EPHA6: variants seen among roughly 807,000 people sequenced by gnomAD.
EPHA6 encodes the protein EPH receptor A6.
In EPHA6, 50 loss-of-function variants were observed where a neutral mutation model predicts 112.0. The observed-to-expected ratio is 0.45, with a 90% CI of 0.36 to 0.56. The LOEUF is 0.56. Among genes scored for constraint, EPHA6 ranks in the 20% least tolerant of loss-of-function variants. The pLI is 0.00. For missense variants in EPHA6, 1,280 were observed against 1,417.4 expected (o/e 0.90, Z 1.56); for synonymous variants, 529 against 490.7 (o/e 1.08, Z -1.03).
intron 5 of EPHA6, among the ~76,000 whole-genome samples, chr3:97,272,460 T>C (rs1002216597): frequency 6.6e-6 from 1 of 152,134 alleles, no homozygotes; most frequent in Non-Finnish European, 1.5e-5. Context: ...CGAGATGATA[T>C]TTTCACTTGC....
intron 3 of EPHA6, among the ~76,000 whole-genome samples, chr3:97,150,568 T>C (rs1559758962): frequency 6.6e-6 from 1 of 152,084 alleles, no homozygotes; most frequent in Non-Finnish European, 1.5e-5. Flanking sequence ...CTGTGGTAAT[T>C]GGGACTTGGG....
intron 3 of EPHA6, among the ~76,000 whole-genome samples, chr3:97,170,814 TTATACA>T (rs1301595674): frequency 6.6e-6 from 1 of 151,880 alleles, no homozygotes; most frequent in Non-Finnish European, 1.5e-5. Flanking sequence ...TTCCAAGGAG[TTATACA>T]TATGCACTCT....
At chr3:96,875,173 AC>A (rs1459825388) in intron 2 of EPHA6, among the ~76,000 whole-genome samples, 1 of 152,040 alleles carries the variant, frequency 6.6e-6, no homozygotes, top group Non-Finnish European at 1.5e-5. Context: ...TTGAGACAGA[AC>A]AGGAAACATG....
chr3:97,564,024 G>A (rs940422806), intron 11 of EPHA6, among the ~76,000 whole-genome samples: 94 of 152,176 alleles, frequency 6.2e-4, no homozygotes, highest in African/African-American at 2.2e-3. Flanking sequence ...GACATGAAAT[G>A]TTTTCATCTC....
At chr3:97,426,015 A>G (rs867415989) in intron 6 of EPHA6, among the ~76,000 whole-genome samples, 3 of 152,282 alleles carry the variant, frequency 2.0e-5, no homozygotes, top group Middle Eastern at 3.4e-3. Flanking sequence ...AAGCCATTCA[A>G]CAAACCTCTA....
intron 7 of EPHA6, among the ~76,000 whole-genome samples, chr3:97,453,633 T>C (rs556463857): frequency 4.6e-5 from 7 of 151,830 alleles, no homozygotes; most frequent in African/African-American, 1.7e-4. Flanking sequence ...TATTTCAAAA[T>C]AAAATCTTAT....
intron 7 of EPHA6, among the ~76,000 whole-genome samples, chr3:97,472,495 C>T (rs6801975): frequency 0.15 from 22,384 of 151,646 alleles, 2,182 homozygotes; most frequent in Admixed American, 0.25. Context: ...TGAAGACATA[C>T]GCTAGAGCCA....
At chr3:96,915,358 A>G (rs1459985918) in intron 2 of EPHA6, among the ~76,000 whole-genome samples, 1 of 152,098 alleles carries the variant, frequency 6.6e-6, no homozygotes, top group African/African-American at 2.4e-5. Context: ...CTATACCTAA[A>G]GTAAACCATT....
intron 5 of EPHA6, among the ~76,000 whole-genome samples, chr3:97,359,030 CTT>C (rs796076993): frequency 3.6e-5 from 5 of 138,910 alleles, no homozygotes. Flanking sequence ...CTTGCTATGG[CTT>C]TTTTTTTTTT....
At chr3:97,709,194 C>G (rs2033839779) in intron 14 of EPHA6, among the ~76,000 whole-genome samples, 1 of 151,860 alleles carries the variant, frequency 6.6e-6, no homozygotes, top group South Asian at 2.1e-4. Flanking sequence ...TCAACGCCAG[C>G]CTGTGAAAGC....
chr3:96,932,597 T>A (rs1441504780), intron 2 of EPHA6, among the ~76,000 whole-genome samples: 1 of 152,210 alleles, frequency 6.6e-6, no homozygotes, highest in Non-Finnish European at 1.5e-5. Context: ...TAGTATGTCC[T>A]CCTGTAACCA....
At chr3:97,067,302 A>G (rs761265948) in intron 3 of EPHA6, among the ~76,000 whole-genome samples, 3 of 152,282 alleles carry the variant, frequency 2.0e-5, no homozygotes, top group Non-Finnish European at 4.4e-5. Context: ...ACTGTGTTAT[A>G]TCAGTAGTAC....
chr3:97,580,945 T>C (rs1214167169), intron 11 of EPHA6, among the ~76,000 whole-genome samples: 2 of 152,200 alleles, frequency 1.3e-5, no homozygotes, highest in Admixed American at 6.5e-5. Flanking sequence ...GAGGCCATAG[T>C]TGAGGTGAAA....
chr3:96,829,780 A>G (rs4525885), intron 1 of EPHA6, among the ~76,000 whole-genome samples: 1 of 152,090 alleles, frequency 6.6e-6, no homozygotes, highest in Admixed American at 6.6e-5. Context: ...GCTGATGAGT[A>G]TCTTATTAAT....
chr3:96,875,330 CAT>C (rs1452065067), intron 2 of EPHA6, among the ~76,000 whole-genome samples: 1 of 152,054 alleles, frequency 6.6e-6, no homozygotes, highest in African/African-American at 2.4e-5. Flanking sequence ...AAGGAATATG[CAT>C]AGTTTATTAT....
intron 2 of EPHA6, among the ~76,000 whole-genome samples, chr3:96,936,634 G>A (rs1194528306): frequency 1.3e-5 from 2 of 151,326 alleles, no homozygotes; most frequent in African/African-American, 2.4e-5. Flanking sequence ...TATACTTTAA[G>A]TTTTAGGGTA....
chr3:97,695,112 T>C (rs971728564), intron 14 of EPHA6, among the ~76,000 whole-genome samples: 1 of 152,244 alleles, frequency 6.6e-6, no homozygotes, highest in African/African-American at 2.4e-5. Flanking sequence ...TATGTTATTG[T>C]CATTATGTTA....
At chr3:97,021,935 T>C (rs2044475754) in intron 3 of EPHA6, among the ~76,000 whole-genome samples, 1 of 152,070 alleles carries the variant, frequency 6.6e-6, no homozygotes, top group African/African-American at 2.4e-5. Context: ...CCTTGGAGAG[T>C]TCTCCCTCAA....
chr3:97,577,733 C>T (rs1002480816), intron 11 of EPHA6, among the ~76,000 whole-genome samples: 1 of 152,144 alleles, frequency 6.6e-6, no homozygotes, highest in African/African-American at 2.4e-5. Flanking sequence ...AGTACAAATT[C>T]TCTTAAAAGC....
Sources: allele counts gnomAD v4.1 joint callset (sites outside exome capture counted in the v4.1 genomes callset), GRCh38; gene constraint gnomAD v4.1.1; transcripts MANE v1.5; gene names NCBI Gene and HGNC (gene_info 2026-07-23, HGNC 2026-07-21).